IGFL4: variants seen among roughly 807,000 people sequenced by gnomAD.
IGFL4 encodes IGF like family member 4, also known as insulin growth factor-like family member 4.
A neutral mutation model predicts 15.4 loss-of-function variants in IGFL4; 12 were observed. The observed-to-expected ratio is 0.78, with a 90% CI of 0.50 to 1.26. IGFL4 has a LOEUF of 1.26. IGFL4 is among the 50% of genes most tolerant of loss of function. IGFL4 has a pLI of 0.00. For synonymous variants in IGFL4, 54 were observed against 55.9 expected, an observed-to-expected ratio of 0.97 and a Z score of 0.16; for missense variants, 126 against 147.8, an observed-to-expected ratio of 0.85 and a Z score of 0.76.
At chr19:46,046,377 C>G (rs1193146838) in intron 2 of IGFL4, among the ~76,000 whole-genome samples, 2 of 152,186 alleles carry the variant, frequency 1.3e-5, no homozygotes, top group East Asian at 3.8e-4. Flanking sequence ...CAGCTAGCAT[C>G]ATGATGACAG....
chr19:46,074,809 A>C (rs537339209), intron 1 of IGFL4, among the ~76,000 whole-genome samples: 3 of 152,368 alleles, frequency 2.0e-5, no homozygotes, highest in African/African-American at 7.2e-5. Flanking sequence ...CACACCTAGC[A>C]TCAATACTTT....
intron 1 of IGFL4, among the ~76,000 whole-genome samples, chr19:46,072,874 T>C (rs1969560008): frequency 2.0e-5 from 3 of 152,072 alleles, no homozygotes; most frequent in Admixed American, 2.0e-4. Flanking sequence ...GCGGGGGCTC[T>C]GGATCTCGGG....
intron 1 of IGFL4, among the ~76,000 whole-genome samples, chr19:46,061,613 C>T (rs1261111509): frequency 6.6e-6 from 1 of 152,148 alleles, no homozygotes. Context: ...AATTAAGGGC[C>T]TCATTTTTAC....
chr19:46,064,630 A>G (rs1969477521), intron 1 of IGFL4, among the ~76,000 whole-genome samples: 1 of 152,164 alleles, frequency 6.6e-6, no homozygotes, highest in Non-Finnish European at 1.5e-5. Flanking sequence ...AGTTCTATCC[A>G]TGTTGTTGCA....
intron 2 of IGFL4, among the ~76,000 whole-genome samples, chr19:46,056,849 CT>C: frequency 6.6e-6 from 1 of 152,312 alleles, no homozygotes; most frequent in South Asian, 2.1e-4. Context: ...ATAAGACTCC[CT>C]GTAGGATCTC....
At chr19:46,074,288 T>TATATATATATACAC (rs770932586) in intron 1 of IGFL4, among the ~76,000 whole-genome samples, 3 of 150,718 alleles carry the variant, frequency 2.0e-5, no homozygotes, top group Non-Finnish European at 4.4e-5. Flanking sequence ...TATATATACA[T>TATATATATATACAC]ATATATATAT....
intron 2 of IGFL4, among the ~76,000 whole-genome samples, chr19:46,049,567 C>T (rs1969326416): frequency 6.6e-6 from 1 of 152,116 alleles, no homozygotes; most frequent in African/African-American, 2.4e-5. Context: ...GGGAACATAA[C>T]TCCATTGTCC....
chr19:46,056,508 T>G (rs1267165638), intron 2 of IGFL4, among the ~76,000 whole-genome samples: 2 of 152,186 alleles, frequency 1.3e-5, no homozygotes, highest in African/African-American at 4.8e-5. Context: ...TCGCTCCCTA[T>G]GTATCCAGGG....
At chr19:46,066,372 A>G (rs713411) in intron 1 of IGFL4, among the ~76,000 whole-genome samples, 80,288 of 152,062 alleles carry the variant, frequency 0.53, 21,543 homozygotes, top group Non-Finnish European at 0.55. Context: ...ACTGGCAACC[A>G]TAACTAGGAA....
At position 46,040,112 on chromosome 19, in the gene IGFL4, C is replaced by T. The variant is rs749197115; in HGVS notation, c.330+45G>A. The T allele has an allele frequency of 1.1e-5, 18 of 1,607,938 alleles. No individual in the cohort carries two copies. In the South Asian group the frequency reaches 1.9e-4, roughly 17 times the overall value. Reference sequence around the variant, plus strand: ...GGGACATGGACAACCAAGCTCCATTCCCTACTCCCCCCTCCCACAGCCTGG... The same window carrying T: ...GGGACATGGACAACCAAGCTCCATTTCCTACTCCCCCCTCCCACAGCCTGG... On this transcript the variant is annotated intron_variant, in intron 3 of 3. Coordinates refer to ENST00000377697, the MANE Select transcript of IGFL4 (RefSeq NM_001002923.3). This position sits in a 1 kb window ranked among gnomAD's most constrained non-coding sequence, Gnocchi z 4.1.
At chr19:46,052,352 C>G (rs886670780) in intron 2 of IGFL4, among the ~76,000 whole-genome samples, 2 of 152,088 alleles carry the variant, frequency 1.3e-5, no homozygotes, top group African/African-American at 4.8e-5. Flanking sequence ...CCTTCAAAAC[C>G]ATGCAAATAC....
intron 1 of IGFL4, among the ~76,000 whole-genome samples, chr19:46,073,758 C>T (rs1424598472): frequency 6.6e-6 from 1 of 152,192 alleles, no homozygotes; most frequent in Non-Finnish European, 1.5e-5. Context: ...TTCTCTTCTA[C>T]AGTCAGGATC....
chr19:46,061,241 A>AC (rs1438256231), intron 1 of IGFL4, among the ~76,000 whole-genome samples: 1 of 152,198 alleles, frequency 6.6e-6, no homozygotes, highest in Non-Finnish European at 1.5e-5. Context: ...ATAATCTTTT[A>AC]CCAAAAACAC....
chr19:46,055,795 C>T (rs532119424), intron 2 of IGFL4, among the ~76,000 whole-genome samples: 7 of 151,266 alleles, frequency 4.6e-5, no homozygotes, highest in East Asian at 3.9e-4. Context: ...TTTTTTTTGA[C>T]GAAGTCTTAC....
chr19:46,063,331 G>T (rs372296710), intron 1 of IGFL4, among the ~76,000 whole-genome samples: 1 of 97,228 alleles, frequency 1.0e-5, no homozygotes, highest in Non-Finnish European at 2.0e-5. Flanking sequence ...GAACACACAC[G>T]CATGCACACA....
chr19:46,044,049 C>G (rs372186937), upstream of IGFL4, among the ~76,000 whole-genome samples: 1 of 152,092 alleles, frequency 6.6e-6, no homozygotes, highest in South Asian at 2.1e-4. Context: ...CGAAGAAATG[C>G]AGGGTAGGGT....
chr19:46,045,290 A>G (rs978042675), upstream of IGFL4, among the ~76,000 whole-genome samples: 3 of 152,086 alleles, frequency 2.0e-5, no homozygotes, highest in African/African-American at 7.2e-5. Flanking sequence ...TAAAAATACA[A>G]AAGTTAGCTG....
chr19:46,068,317 G>A (rs1399913235), intron 1 of IGFL4, among the ~76,000 whole-genome samples: 1 of 152,178 alleles, frequency 6.6e-6, no homozygotes, highest in Non-Finnish European at 1.5e-5. Context: ...CTGAGGTCCT[G>A]GGATACAGGG....
At chr19:46,041,164 G>A (rs1251955182), upstream of IGFL4, 1 of 546,392 alleles carries the variant, frequency 1.8e-6, no homozygotes, top group African/African-American at 2.0e-5. Context: ...TTCTGGACCT[G>A]TTCCAAGTGG....
Sources: gnomAD v4.1 joint callset for allele counts (sites outside exome capture counted in the v4.1 genomes callset) on GRCh38, gnomAD v4.1.1 for gene constraint, Gnocchi (gnomAD v3.1) non-coding constraint, MANE v1.5 for transcripts, NCBI Gene and HGNC (gene_info 2026-07-23, HGNC 2026-07-21) for gene names.